EOLA2: variants seen among roughly 807,000 people sequenced by gnomAD.
EOLA2 encodes the protein endothelium and lymphocyte associated ASCH domain 2.
In EOLA2, 3 loss-of-function variants were observed where a neutral mutation model predicts 4.1. The ratio of observed to expected loss-of-function variants is 0.73; its 90% confidence interval spans 0.33 to 1.89. The LOEUF is 1.89. Ranked by LOEUF, EOLA2 falls within the 40% of genes most tolerant of loss-of-function variation. The pLI is 0.08. For synonymous variants in EOLA2, 52 were observed against 51.7 expected (o/e 1.01, Z -0.03); for missense variants, 109 against 126.4 (o/e 0.86, Z 0.66).
Position 149,934,199 on chromosome X carries a change from T to C in EOLA2, c.-162-62A>G, listed in dbSNP as rs1213939659. 15 of 906,955 alleles carry C rather than the reference T, an allele frequency of 1.7e-5. No homozygotes were observed. The African/African-American group carries it at 3.1e-4, about 19-fold the overall frequency. 74.7% of individuals were successfully genotyped at this position (906,955 alleles called of 1,213,427 possible). A position where few individuals can be genotyped will look rare whatever the true frequency, so the allele number is the denominator to read the frequency against. ...TGCTATGACAGAGGTCACCGAGCCC[T>C]AGGGCAACACAGAGGACAGAGGGCC... is the stretch of plus-strand genomic sequence containing the variant. On this transcript the variant is annotated intron_variant, in intron 2 of 4. Coordinates refer to ENST00000370406, the MANE Select transcript of EOLA2 (RefSeq NM_001013845.2).
chrX:149,932,746 G>A lies in EOLA2; in HGVS notation c.275C>T (p.Thr92Ile), dbSNP rs781950789. Residue 92 changes from threonine (T) to isoleucine (I), a missense_variant, in exon 5 of 5, where the codon ACT (threonine) becomes ATT (isoleucine). By Grantham distance (89) the Thr-to-Ile change is moderately conservative. Transcript: ENST00000370406. ...AGTTAAGTCTTCGGGGCATTGCAAA[G>A]TTTCCCCAATGTCAACGAGTCCTGT... ...VIAGLVDIGETLQCPEDLTPD... is the reference protein window; with the variant it reads ...VIAGLVDIGEILQCPEDLTPD... The A allele has an allele frequency of 6.7e-6, 8 of 1,199,267 alleles. No individual in the cohort carries two copies. Among genetic ancestry groups the A allele is most frequent in the Non-Finnish European group, 9.0e-6 (8 of 891,405 alleles).
At chrX:149,933,435 T>C (rs782100328) in intron 4 of EOLA2, among the ~76,000 whole-genome samples, 187 bp downstream of exon 4, 1 of 110,824 alleles carries the variant, frequency 9.0e-6, no homozygotes, top group African/African-American at 3.3e-5. Flanking sequence ...TACCAGAGCT[T>C]GCGGAAGCCA....
downstream of EOLA2, chrX:149,930,261 T>C (rs1191044897): frequency 8.6e-6 from 9 of 1,044,381 alleles, no homozygotes; most frequent in African/African-American, 1.2e-4. Context: ...ATATTGTTTA[T>C]TGAAAGATGA....
At chrX:149,935,858 C>T (rs1360039538) in intron 2 of EOLA2, among the ~76,000 whole-genome samples, 1 of 108,894 alleles carries the variant, frequency 9.2e-6, no homozygotes, top group Admixed American at 9.7e-5. Context: ...CCCTGCCTTT[C>T]TTTCCCACAT....
chrX:149,937,694 C>G (rs1557376532), intron 1 of EOLA2, among the ~76,000 whole-genome samples: 2 of 112,469 alleles, frequency 1.8e-5, no homozygotes, highest in Admixed American at 1.9e-4. Context: ...ACAGGGTGCA[C>G]CAGTCCGCAG....
At chrX:149,931,833 A>G (rs1434214483), downstream of EOLA2, among the ~76,000 whole-genome samples, 2 of 106,336 alleles carry the variant, frequency 1.9e-5, no homozygotes, top group African/African-American at 3.4e-5. Flanking sequence ...AAAAATTACT[A>G]CAAAATAAAA....
chrX:149,935,774 G>A (rs2090981491), intron 2 of EOLA2, among the ~76,000 whole-genome samples: 1 of 105,379 alleles, frequency 9.5e-6, no homozygotes, highest in Non-Finnish European at 1.9e-5. Context: ...TCACCACCAA[G>A]TCCACCTCCC....
rs1557374735 is a variant in EOLA2 at position 149,932,715 on chromosome X, A to G, written c.306T>C (p.Asp102=). Reference sequence around the variant, plus strand: ...CTTGATTTTCTAGTTCCACAACCTCATCGGGAGTTAAGTCTTCGGGGCATT... The same window carrying G: ...CTTGATTTTCTAGTTCCACAACCTCGTCGGGAGTTAAGTCTTCGGGGCATT... The part of the protein sequence containing the change: ...TLQCPEDLTP[D]EVVELENQAA... Residue 102 remains aspartate, a synonymous_variant, in exon 5 of 5, where the codon GAT becomes GAC. Transcript: ENST00000370406. 5.8e-6 allele frequency: 7 copies of G among 1,207,535 alleles called. No individual in the cohort carries two copies. Among genetic ancestry groups the G allele is most frequent in the Middle Eastern group, 2.3e-4 (1 of 4,345 alleles).
In EOLA2 at chrX:149,933,871, T is replaced by G. The variant is rs2090930052; in HGVS notation, c.4A>C (p.Lys2Gln). ...TGCCGGAAGGAGAGGCAGCCAAACT[T>G]CATCTTCGCAAGCGCCCCGGGCCTC... is the stretch of plus-strand genomic sequence containing the variant. M[K>Q]FGCLSFRQPY... Residue 2 changes from lysine to glutamine, a missense_variant, in exon 4 of 5, where the codon AAG (lysine) becomes CAG (glutamine). Lys to Gln is a moderately conservative substitution (Grantham distance 53, BLOSUM62 1). Coordinates refer to ENST00000370406, the MANE Select transcript of EOLA2 (RefSeq NM_001013845.2). 8.3e-7 allele frequency: 1 copy of G among 1,199,774 alleles called. No individual in the cohort carries two copies. Among genetic ancestry groups the G allele is most frequent in the Non-Finnish European group, 1.1e-6 (1 of 889,407 alleles).
Position 149,933,997 on chromosome X carries a change from G to A in EOLA2, c.-30+8C>T, listed in dbSNP as rs1176053631. ...CCGTGTCTCTCAGGTGGCCTAAATC[G>A]CACTGACCTTGATGGTCTGCTGCTT... is the stretch of plus-strand genomic sequence containing the variant. On this transcript the variant is annotated splice_region_variant and intron_variant, in intron 3 of 4. Coordinates refer to ENST00000370406, the MANE Select transcript of EOLA2 (RefSeq NM_001013845.2). 7.1e-6 allele frequency: 8 copies of A among 1,129,251 alleles called. No homozygotes were observed. The African/African-American group carries it at 7.8e-5, about 11-fold the overall frequency. The allele number at this position is 1,129,251 out of a possible 1,213,427, so 93.1% of individuals were successfully genotyped here. A position where few individuals can be genotyped will look rare whatever the true frequency, so the allele number is the denominator to read the frequency against.
At chrX:149,934,478 A>G in intron 2 of EOLA2, 1 of 748,770 alleles carries the variant, frequency 1.3e-6, no homozygotes, top group South Asian at 6.8e-5. Context: ...CCTCAGTCAG[A>G]CATCTCCTCT....
chrX:149,937,875 A>G (rs1488290791), intron 1 of EOLA2, among the ~76,000 whole-genome samples: 1 of 112,875 alleles, frequency 8.9e-6, no homozygotes, highest in Non-Finnish European at 1.9e-5. Flanking sequence ...GCACGGGGCC[A>G]CAGGCCACAG....
intron 1 of EOLA2, among the ~76,000 whole-genome samples, chrX:149,937,813 G>C (rs2091037857): frequency 8.9e-6 from 1 of 112,846 alleles, no homozygotes; most frequent in African/African-American, 3.2e-5. Context: ...ACGAGGGTTT[G>C]GGGGGCCTAA....
downstream of EOLA2, chrX:149,931,019 T>C (rs1296850776): frequency 3.4e-5 from 32 of 934,817 alleles, no homozygotes; most frequent in Non-Finnish European, 4.0e-5. Context: ...TAGTGTAATG[T>C]CTTTGTACAA....
chrX:149,935,335 G>A (rs1345762295), intron 2 of EOLA2, among the ~76,000 whole-genome samples: 1 of 70,484 alleles, frequency 1.4e-5, no homozygotes, highest in Non-Finnish European at 2.7e-5. Context: ...CGGGCCCTGG[G>A]TGCCACCAGC....
At position 149,938,294 on chromosome X, in the gene EOLA2, C is replaced by T. The variant is rs1603048294; in HGVS notation, c.-312G>A. On this transcript the variant is annotated 5_prime_UTR_variant, in exon 1 of 5. Transcript: ENST00000370406. Reference sequence around the variant, plus strand: ...CTCAGAGTACAGTCCTCCGCCTCCTCGCGACCCAGCGAGGCCACCGGAGCC... The same window carrying T: ...CTCAGAGTACAGTCCTCCGCCTCCTTGCGACCCAGCGAGGCCACCGGAGCC... 1 of 112,799 alleles carries T rather than the reference C, an allele frequency of 8.9e-6. No homozygotes were observed. The highest frequency in any genetic ancestry group is 1.9e-5 in the Non-Finnish European group (1 of 53,285). 9.3% of individuals were successfully genotyped at this position (112,799 alleles called of 1,213,427 possible). A position where few individuals can be genotyped will look rare whatever the true frequency, so the allele number is the denominator to read the frequency against.
At chrX:149,937,029 GC>G (rs782809197) in intron 2 of EOLA2, among the ~76,000 whole-genome samples, 15 of 109,877 alleles carry the variant, frequency 1.4e-4, no homozygotes, top group Non-Finnish European at 2.8e-4. Flanking sequence ...CGCCTGGCAC[GC>G]CCATCTAAGA....
At chrX:149,931,093 T>C (rs1180416647), downstream of EOLA2, 1 of 938,069 alleles carries the variant, frequency 1.1e-6, no homozygotes, top group Admixed American at 5.8e-5. Flanking sequence ...CCTCTGACGA[T>C]GAGGAGGAGT....
rs782455051 is a variant in EOLA2 at position 149,938,211 on chromosome X, C to T, written c.-229G>A. ...CTGGTACCTTTCAGCCGCGGCCGGT[C>T]TCACGGCCTCTGGACCCTGAGAGTC... On this transcript the variant is annotated 5_prime_UTR_variant, in exon 1 of 5. Coordinates refer to ENST00000370406, the MANE Select transcript of EOLA2 (RefSeq NM_001013845.2). 8.8e-6 allele frequency: 1 copy of T among 113,282 alleles called. No homozygotes were observed. Among genetic ancestry groups the T allele is most frequent in the Non-Finnish European group, 1.9e-5 (1 of 53,366 alleles). The allele number at this position is 113,282 out of a possible 1,213,427, so 9.3% of individuals were successfully genotyped here.
Sources: gnomAD v4.1 joint callset for allele counts (sites outside exome capture counted in the v4.1 genomes callset) on GRCh38, gnomAD v4.1.1 for gene constraint, MANE v1.5 for transcripts, NCBI Gene and HGNC (gene_info 2026-07-23, HGNC 2026-07-21) for gene names.